Variants in MAGI3 observed in about 807,000 individuals in gnomAD.
MAGI3 encodes membrane associated guanylate kinase, WW and PDZ domain containing 3.
In MAGI3, 43 loss-of-function variants were observed where a neutral mutation model predicts 121.8. The ratio of observed to expected loss-of-function variants is 0.35; its 90% CI spans 0.28 to 0.46. MAGI3 has a LOEUF of 0.46. Among genes scored for constraint, MAGI3 ranks in the 20% least tolerant of loss-of-function variants. The pLI is 1.00. For synonymous variants in MAGI3, 553 were observed against 639.3 expected (o/e 0.86, Z 2.04); for missense variants, 1,547 against 1,797.3 (o/e 0.86, Z 2.52).
At chr1:113,585,291 C>G in intron 3 of MAGI3, 96 bp from the exon 4 acceptor site, 1 of 1,173,670 alleles carries the variant, frequency 8.5e-7, no homozygotes, top group Non-Finnish European at 1.2e-6. Context: ...TTCAAAACTT[C>G]TTTGTGAAAA....
intron 6 of MAGI3, among the ~76,000 whole-genome samples, chr1:113,605,598 A>G (rs1221395107): frequency 6.6e-6 from 1 of 151,724 alleles, no homozygotes; most frequent in Non-Finnish European, 1.5e-5. Flanking sequence ...TTGAACAAGC[A>G]CTCGATTTTT....
At chr1:113,600,266 A>G (rs1649283366) in intron 6 of MAGI3, among the ~76,000 whole-genome samples, 1 of 152,166 alleles carries the variant, frequency 6.6e-6, no homozygotes. Context: ...CAATTAGGAA[A>G]AGAGGAAGTC....
At chr1:113,574,670 T>C (rs1001408595) in intron 2 of MAGI3, among the ~76,000 whole-genome samples, 1 of 152,204 alleles carries the variant, frequency 6.6e-6, no homozygotes, top group Non-Finnish European at 1.5e-5. Context: ...TGTCTTGTGA[T>C]TGCTTTTCCC....
At chr1:113,447,101 A>G (rs957067491) in intron 1 of MAGI3, among the ~76,000 whole-genome samples, 7 of 152,224 alleles carry the variant, frequency 4.6e-5, no homozygotes, top group African/African-American at 1.7e-4. Context: ...GTGTGAATGT[A>G]TTTAGTACTA....
chr1:113,681,173 G>C (rs1648192857), intron 19 of MAGI3, 25 bp from the exon 20 acceptor site: 1 of 1,607,022 alleles, frequency 6.2e-7, no homozygotes. Flanking sequence ...GTTTCATGTT[G>C]TTCCTGTGAA....
At chr1:113,509,452 C>T (rs1657508507) in intron 1 of MAGI3, among the ~76,000 whole-genome samples, 1 of 139,732 alleles carries the variant, frequency 7.2e-6, no homozygotes, top group Non-Finnish European at 1.5e-5. Context: ...AATGCTGAGA[C>T]ATTTGTAATG....
chr1:113,637,071 C>A (rs1428870407), intron 9 of MAGI3, among the ~76,000 whole-genome samples: 2 of 151,092 alleles, frequency 1.3e-5, no homozygotes, highest in Non-Finnish European at 3.0e-5. Context: ...TTTTTGTTTT[C>A]CATTTACTTG....
chr1:113,391,488 G>A lies in MAGI3; in HGVS notation c.316+139G>A. The A allele has an allele frequency of 1.0e-6, 1 of 971,748 alleles. No homozygotes were observed. The highest frequency in any genetic ancestry group is 1.5e-6 in the Non-Finnish European group (1 of 672,352). The allele number at this position is 971,748 out of a possible 1,614,324, so 60.2% of individuals were successfully genotyped here. ...TCTAGGGTGTGCCAGACTCCTTGAC[G>A]AGGGGGAGGGGTGGCGTTGGTGAGT... On this transcript the variant is annotated intron_variant, in intron 1 of 20. Transcript: ENST00000307546. The surrounding 1 kb of genome is among the most constrained non-coding windows in gnomAD (Gnocchi z 4.4).
intron 9 of MAGI3, among the ~76,000 whole-genome samples, chr1:113,637,705 G>C (rs994166032): frequency 1.3e-5 from 2 of 151,856 alleles, no homozygotes; most frequent in Non-Finnish European, 2.9e-5. Flanking sequence ...ACAGTTATGT[G>C]TCTTGGAGTT....
intron 1 of MAGI3, among the ~76,000 whole-genome samples, chr1:113,446,083 T>C (rs1455071063): frequency 6.6e-6 from 1 of 152,256 alleles, no homozygotes; most frequent in Non-Finnish European, 1.5e-5. Context: ...AGAAAAACAA[T>C]CATTAGTCCA....
At chr1:113,479,861 T>A (rs1656028587) in intron 1 of MAGI3, among the ~76,000 whole-genome samples, 1 of 152,160 alleles carries the variant, frequency 6.6e-6, no homozygotes, top group Non-Finnish European at 1.5e-5. Context: ...TTCTGCTTGA[T>A]CAAGTGTGCT....
chr1:113,648,782 C>CCATA (rs1652991460), intron 12 of MAGI3, among the ~76,000 whole-genome samples: 1 of 152,056 alleles, frequency 6.6e-6, no homozygotes, highest in South Asian at 2.1e-4. Context: ...GAATACTTTT[C>CCATA]TGAGAGAAAG....
chr1:113,450,303 G>C, intron 1 of MAGI3: 1 of 1,548,536 alleles, frequency 6.5e-7, no homozygotes, highest in Non-Finnish European at 8.9e-7. Context: ...GCAATTTTAT[G>C]GGTCGCGGAG....
intron 1 of MAGI3, among the ~76,000 whole-genome samples, chr1:113,430,621 T>G (rs1352134691): frequency 6.6e-6 from 1 of 152,238 alleles, no homozygotes; most frequent in Non-Finnish European, 1.5e-5. Flanking sequence ...AAGTAAATCA[T>G]CTCATGTTTT....
rs537514552 is a variant in MAGI3 at position 113,600,499 on chromosome 1, G to A, written c.1018+5939G>A. Among the ~76,000 whole-genome samples, 399 of 152,078 alleles carry A rather than the reference G, an allele frequency of 2.6e-3. 1 individual carries two copies. Among genetic ancestry groups the A allele is most frequent in the African/African-American group, 8.8e-3 (363 of 41,466 alleles). On this transcript the variant is annotated intron_variant, in intron 6 of 20. Coordinates refer to ENST00000307546, the MANE Select transcript of MAGI3 (RefSeq NM_001142782.2). Reference sequence around the variant, plus strand: ...TGCTTCAAAGAGAATAAAATACCTAGGAATCCAACTTACAAGGGACATGAA... The same window carrying A: ...TGCTTCAAAGAGAATAAAATACCTAAGAATCCAACTTACAAGGGACATGAA...
intron 1 of MAGI3, among the ~76,000 whole-genome samples, chr1:113,427,283 G>GGAGA (rs1257841474): frequency 6.6e-6 from 1 of 152,214 alleles, no homozygotes; most frequent in African/African-American, 2.4e-5. Context: ...ATGCATCTCA[G>GGAGA]GAGAGACGCT....
intron 1 of MAGI3, among the ~76,000 whole-genome samples, chr1:113,497,163 G>T (rs1247738348): frequency 6.6e-6 from 1 of 152,032 alleles, no homozygotes; most frequent in Non-Finnish European, 1.5e-5. Flanking sequence ...AGGCTGAGGT[G>T]CGTGGATCAC....
At chr1:113,582,607 T>A (rs1014224676) in intron 3 of MAGI3, among the ~76,000 whole-genome samples, 1 of 152,050 alleles carries the variant, frequency 6.6e-6, no homozygotes, top group Non-Finnish European at 1.5e-5. Flanking sequence ...AAATACTCTG[T>A]GAAGCTTTTA....
intron 1 of MAGI3, among the ~76,000 whole-genome samples, chr1:113,425,776 T>C (rs1240287250): frequency 6.6e-6 from 1 of 152,162 alleles, no homozygotes; most frequent in African/African-American, 2.4e-5. Context: ...TTCCTGACAT[T>C]GGTGATTTGT....
Sources: gnomAD v4.1 joint callset for allele counts (sites outside exome capture counted in the v4.1 genomes callset) on GRCh38, gnomAD v4.1.1 for gene constraint, Gnocchi (gnomAD v3.1) non-coding constraint, MANE v1.5 for transcripts, NCBI Gene and HGNC (gene_info 2026-07-23, HGNC 2026-07-21) for gene names.